Variants in CCSER1 observed in about 807,000 individuals in gnomAD.
CCSER1 encodes the protein serine-rich coiled-coil domain-containing protein 1.
Under a neutral mutation model 82.0 loss-of-function variants are expected in CCSER1, and 41 were observed. The ratio of observed to expected loss-of-function variants is 0.50; its 90% CI spans 0.39 to 0.65. The LOEUF (loss-of-function observed/expected upper bound fraction) is 0.65, where lower values mean the gene tolerates loss of function less well. Ranked by LOEUF, CCSER1 falls within the 30% of genes least tolerant of loss-of-function variation. The pLI is 0.00. For missense variants in CCSER1, 1,119 were observed against 1,064.2 expected, an observed-to-expected ratio of 1.05 and a Z score of -0.72; for synonymous variants, 414 against 383.9, an observed-to-expected ratio of 1.08 and a Z score of -0.92.
chr4:90,474,159 A>G (rs1233500918), intron 5 of CCSER1, among the ~76,000 whole-genome samples: 1 of 148,670 alleles, frequency 6.7e-6, no homozygotes, highest in Non-Finnish European at 1.5e-5. Context: ...AAAAAAATGC[A>G]AAAGTGTAGC....
chr4:90,891,747 G>A (rs942276215), intron 8 of CCSER1, among the ~76,000 whole-genome samples: 16 of 151,820 alleles, frequency 1.1e-4, no homozygotes, highest in Non-Finnish European at 1.8e-4. Context: ...CTAAGAGTGC[G>A]GTTTTCATTT....
chr4:90,276,325 C>CTT (rs1349986849), intron 1 of CCSER1, among the ~76,000 whole-genome samples: 1 of 125,114 alleles, frequency 8.0e-6, no homozygotes, highest in East Asian at 2.3e-4. Context: ...CTTTTTCTTT[C>CTT]TTTCTTTCTT....
intron 1 of CCSER1, among the ~76,000 whole-genome samples, chr4:90,183,325 T>C (rs1397359355): frequency 6.6e-6 from 1 of 151,986 alleles, no homozygotes; most frequent in Non-Finnish European, 1.5e-5. Context: ...CTTGCAGGGG[T>C]AATAACTAAT....
At chr4:90,812,209 A>T (rs1758441880) in intron 7 of CCSER1, among the ~76,000 whole-genome samples, 1 of 152,012 alleles carries the variant, frequency 6.6e-6, no homozygotes, top group Admixed American at 6.6e-5. Context: ...CTGCCTGCTT[A>T]TATTCTAGCC....
chr4:91,074,753 C>T (rs1228711582), intron 9 of CCSER1, among the ~76,000 whole-genome samples: 3 of 152,164 alleles, frequency 2.0e-5, no homozygotes, highest in East Asian at 1.9e-4. Context: ...TGTGCCTTCA[C>T]GGCTAAAGCT....
chr4:90,270,297 A>T (rs1006732208), intron 1 of CCSER1, among the ~76,000 whole-genome samples: 1 of 152,116 alleles, frequency 6.6e-6, no homozygotes, highest in Non-Finnish European at 1.5e-5. Flanking sequence ...TCAGCAACAC[A>T]TTAAAAAGAT....
intron 1 of CCSER1, among the ~76,000 whole-genome samples, chr4:90,220,987 G>A (rs1428574781): frequency 6.6e-6 from 1 of 151,898 alleles, no homozygotes; most frequent in Non-Finnish European, 1.5e-5. Flanking sequence ...GCAATTTTTT[G>A]CATTTTGAAG....
intron 10 of CCSER1, among the ~76,000 whole-genome samples, chr4:91,398,370 A>C (rs1752114176): frequency 6.6e-6 from 1 of 152,010 alleles, no homozygotes; most frequent in Non-Finnish European, 1.5e-5. Flanking sequence ...AGATAATTTA[A>C]GAGGCTTTAT....
intron 8 of CCSER1, among the ~76,000 whole-genome samples, chr4:90,889,859 T>C (rs900316499): frequency 1.1e-4 from 17 of 152,150 alleles, no homozygotes; most frequent in African/African-American, 4.1e-4. Context: ...TCTTCTTTAT[T>C]TGAAATAGTA....
intron 1 of CCSER1, among the ~76,000 whole-genome samples, chr4:90,304,696 C>A (rs1332737563): frequency 6.6e-6 from 1 of 151,806 alleles, no homozygotes; most frequent in African/African-American, 2.4e-5. Context: ...ATACCTAATG[C>A]TAGATGACAA....
At chr4:91,467,583 A>C (rs184314674) in intron 10 of CCSER1, among the ~76,000 whole-genome samples, 1 of 152,314 alleles carries the variant, frequency 6.6e-6, no homozygotes, top group South Asian at 2.1e-4. Context: ...AATGGGAGAA[A>C]ATTTTTGCAA....
intron 5 of CCSER1, among the ~76,000 whole-genome samples, chr4:90,561,103 A>G (rs1277996535): frequency 6.6e-6 from 1 of 152,210 alleles, no homozygotes; most frequent in Non-Finnish European, 1.5e-5. Flanking sequence ...AGCCACTGCC[A>G]TGGACGTTCA....
At chr4:91,065,643 A>G (rs1412527689) in intron 9 of CCSER1, among the ~76,000 whole-genome samples, 1 of 152,088 alleles carries the variant, frequency 6.6e-6, no homozygotes, top group Non-Finnish European at 1.5e-5. Context: ...ATAAAGGACA[A>G]TAAAAAAATT....
intron 10 of CCSER1, among the ~76,000 whole-genome samples, chr4:91,265,891 A>G (rs532214095): frequency 9.8e-5 from 15 of 152,328 alleles, no homozygotes; most frequent in Admixed American, 6.5e-4. Flanking sequence ...AGTAGGTTTA[A>G]TGGTCTCACA....
chr4:91,068,128 G>C (rs116410166), intron 9 of CCSER1, among the ~76,000 whole-genome samples: 5 of 152,058 alleles, frequency 3.3e-5, no homozygotes, highest in Non-Finnish European at 7.4e-5. Context: ...TACCAGATAG[G>C]GAGAACTAAA....
At chr4:91,280,779 A>T (rs1036537943) in intron 10 of CCSER1, among the ~76,000 whole-genome samples, 1 of 152,150 alleles carries the variant, frequency 6.6e-6, no homozygotes, top group Non-Finnish European at 1.5e-5. Flanking sequence ...AATGGCTCAC[A>T]CTTGGGCTCT....
At chr4:91,055,161 T>C (rs1007077817) in intron 9 of CCSER1, among the ~76,000 whole-genome samples, 5 of 152,194 alleles carry the variant, frequency 3.3e-5, no homozygotes, top group Admixed American at 6.6e-5. Flanking sequence ...CAAAATTATA[T>C]AGCTATTTGC....
chr4:90,271,278 TG>T (rs894233268), intron 1 of CCSER1, among the ~76,000 whole-genome samples: 3 of 152,078 alleles, frequency 2.0e-5, no homozygotes, highest in African/African-American at 7.2e-5. Flanking sequence ...ATGGCACTGG[TG>T]CAAAAATCAG....
chr4:90,355,870 T>G (rs1579357125), intron 3 of CCSER1, among the ~76,000 whole-genome samples: 1 of 151,940 alleles, frequency 6.6e-6, no homozygotes, highest in Non-Finnish European at 1.5e-5. Flanking sequence ...AAAGGGATAT[T>G]GTAAATTATT....
Sources: allele counts gnomAD v4.1 joint callset (sites outside exome capture counted in the v4.1 genomes callset), GRCh38; gene constraint gnomAD v4.1.1; transcripts MANE v1.5; gene names NCBI Gene and HGNC (gene_info 2026-07-23, HGNC 2026-07-21).